Variants in MCMBP observed in about 807,000 individuals in gnomAD.
MCMBP encodes mini-chromosome maintenance complex-binding protein.
Under a neutral mutation model 81.3 loss-of-function variants are expected in MCMBP, and 31 were observed. The ratio of observed to expected loss-of-function variants is 0.38; its 90% CI spans 0.29 to 0.51. MCMBP has a LOEUF of 0.51. MCMBP is among the 20% of genes least tolerant of loss of function. The probability of loss-of-function intolerance (pLI) is 0.87; values close to 1 mark genes in which losing one functional copy is unlikely to be tolerated. For missense variants in MCMBP, 645 were observed against 772.1 expected, an observed-to-expected ratio of 0.84 and a Z score of 1.95; for synonymous variants, 267 against 275.9, an observed-to-expected ratio of 0.97 and a Z score of 0.32.
chr10:119,862,384 C>T (rs1254806996), intron 1 of MCMBP, among the ~76,000 whole-genome samples: 1 of 152,126 alleles, frequency 6.6e-6, no homozygotes, highest in Non-Finnish European at 1.5e-5. Context: ...CCATGTGTGT[C>T]CTTAGGATCC....
At chr10:119,842,786 C>T (rs1183845091) in intron 9 of MCMBP, 191 bp from the exon 10 acceptor site, 9 of 518,496 alleles carry the variant, frequency 1.7e-5, no homozygotes, top group Non-Finnish European at 2.9e-5. Context: ...TTTTTTGAGA[C>T]CAAGTTTTGC....
intron 12 of MCMBP, among the ~76,000 whole-genome samples, chr10:119,838,228 T>C (rs1852314692): frequency 6.7e-6 from 1 of 148,196 alleles, no homozygotes; most frequent in Non-Finnish European, 1.5e-5. Flanking sequence ...ATATAATATA[T>C]AAAATATATA....
intron 2 of MCMBP, among the ~76,000 whole-genome samples, 183 bp downstream of exon 2, chr10:119,859,616 A>G (rs949463121): frequency 3.3e-5 from 5 of 152,266 alleles, no homozygotes; most frequent in Non-Finnish European, 4.4e-5. Context: ...GGCATAATGT[A>G]TAAGTATTTA....
intron 4 of MCMBP, among the ~76,000 whole-genome samples, 157 bp downstream of exon 4, chr10:119,858,727 A>T (rs987632921): frequency 1.3e-5 from 2 of 152,198 alleles, no homozygotes. Flanking sequence ...AAAAAAAGTC[A>T]CATCAAACTC....
At chr10:119,856,605 A>T (rs1853053640) in intron 5 of MCMBP, among the ~76,000 whole-genome samples, 1 of 152,208 alleles carries the variant, frequency 6.6e-6, no homozygotes, top group African/African-American at 2.4e-5. Context: ...TGGGGTATAA[A>T]TTATATAGGT....
chr10:119,861,487 G>A (rs1213130346), intron 1 of MCMBP, among the ~76,000 whole-genome samples: 1 of 152,026 alleles, frequency 6.6e-6, no homozygotes, highest in Non-Finnish European at 1.5e-5. Flanking sequence ...TGACTATAAT[G>A]CACATTGAAG....
Position 119,847,719 on chromosome 10 carries a change from A to C in MCMBP, c.727-6T>G. ...CAATCCCAATCTTCATAAACCTAAC[A>C]AGAGACCACATGAAATCACACTGTT... On this transcript the variant is annotated splice_polypyrimidine_tract_variant and splice_region_variant and intron_variant, in intron 7 of 15. Transcript: ENST00000369077. 1 of 1,532,960 alleles carries C rather than the reference A, an allele frequency of 6.5e-7. No homozygotes were observed. Among genetic ancestry groups the C allele is most frequent in the Non-Finnish European group, 9.0e-7 (1 of 1,109,788 alleles). 95.0% of individuals were successfully genotyped at this position (1,532,960 alleles called of 1,614,324 possible).
chr10:119,856,422 G>C (rs564266460), intron 5 of MCMBP, among the ~76,000 whole-genome samples: 1 of 152,320 alleles, frequency 6.6e-6, no homozygotes, highest in Admixed American at 6.5e-5. Context: ...TCAAATGCAT[G>C]ATGTTAAACA....
intron 5 of MCMBP, among the ~76,000 whole-genome samples, chr10:119,857,133 A>G (rs892255965): frequency 1.3e-5 from 2 of 151,196 alleles, no homozygotes; most frequent in African/African-American, 4.9e-5. Flanking sequence ...TACTTCAATC[A>G]TTTTAACAGT....
intron 5 of MCMBP, among the ~76,000 whole-genome samples, chr10:119,854,961 A>T (rs1040532759): frequency 5.3e-5 from 8 of 151,692 alleles, no homozygotes; most frequent in Admixed American, 4.6e-4. Context: ...TCAAAAAAAA[A>T]AAAAAAAAAA....
intron 1 of MCMBP, among the ~76,000 whole-genome samples, chr10:119,862,114 C>G (rs1257426233): frequency 1.3e-5 from 2 of 152,120 alleles, no homozygotes; most frequent in African/African-American, 2.4e-5. Flanking sequence ...CGAGACAAGT[C>G]TGGTCAATAT....
chr10:119,830,350 G>A lies in MCMBP; in HGVS notation c.*1124C>T, dbSNP rs1042482685. 6.6e-6 allele frequency: 1 copy of A among 152,284 alleles called. No homozygotes were observed. The highest frequency in any genetic ancestry group is 1.5e-5 in the Non-Finnish European group (1 of 68,034). The allele number at this position is 152,284 out of a possible 1,614,324, so 9.4% of individuals were successfully genotyped here. On this transcript the variant is annotated 3_prime_UTR_variant, in exon 16 of 16. Coordinates refer to ENST00000369077, the MANE Select transcript of MCMBP (RefSeq NM_001256378.2). ...ACCATGCTACTACAGTCTGTTGTTA[G>A]TTTGCTCTATTAAAACTAATTGGTC...
intron 1 of MCMBP, among the ~76,000 whole-genome samples, chr10:119,863,245 G>A (rs1477068030): frequency 6.6e-6 from 1 of 152,078 alleles, no homozygotes; most frequent in African/African-American, 2.4e-5. Context: ...AGGTCACAAA[G>A]ATCTGTTTTC....
chr10:119,865,251 A>G (rs1306999524), intron 1 of MCMBP, among the ~76,000 whole-genome samples: 3 of 152,218 alleles, frequency 2.0e-5, no homozygotes, highest in African/African-American at 7.2e-5. Flanking sequence ...TGACTGTTTT[A>G]ACATTATATA....
intron 1 of MCMBP, among the ~76,000 whole-genome samples, chr10:119,868,199 G>A (rs371373407): frequency 5.9e-5 from 9 of 152,188 alleles, no homozygotes; most frequent in African/African-American, 1.9e-4. Context: ...CCAAGTGGGG[G>A]CAGATCACTT....
At chr10:119,850,140 C>T (rs1021907331) in intron 6 of MCMBP, among the ~76,000 whole-genome samples, 3 of 152,166 alleles carry the variant, frequency 2.0e-5, no homozygotes, top group African/African-American at 7.2e-5. Context: ...GCCTGCCATA[C>T]CACGAAACAC....
At chr10:119,842,650 GT>G in intron 9 of MCMBP, 55 bp from the exon 10 acceptor site, 1 of 1,561,346 alleles carries the variant, frequency 6.4e-7, no homozygotes, top group Non-Finnish European at 8.6e-7. Context: ...CCTCTCAAGT[GT>G]CTTAGGTAAA....
intron 11 of MCMBP, 101 bp downstream of exon 11, chr10:119,840,738 GATCT>G (rs1208722567): frequency 3.3e-6 from 2 of 602,198 alleles, no homozygotes; most frequent in Non-Finnish European, 5.5e-6. Context: ...CCTTAAATAA[GATCT>G]ATTAAAATCT....
intron 4 of MCMBP, among the ~76,000 whole-genome samples, chr10:119,858,622 T>G (rs1853136111): frequency 6.6e-6 from 1 of 152,028 alleles, no homozygotes; most frequent in Non-Finnish European, 1.5e-5. Flanking sequence ...CAACCTAGGG[T>G]TCTTTGTTTT....
Sources: allele counts gnomAD v4.1 joint callset (sites outside exome capture counted in the v4.1 genomes callset), GRCh38; gene constraint gnomAD v4.1.1; transcripts MANE v1.5; gene names NCBI Gene and HGNC (gene_info 2026-07-23, HGNC 2026-07-21).